Variants in ARHGEF38 observed in about 807,000 individuals in gnomAD.
ARHGEF38 encodes the protein Rho guanine nucleotide exchange factor (GEF) 38.
ARHGEF38 carries 79 observed loss-of-function variants against 79.9 expected under a neutral mutation model. That is an observed-to-expected ratio of 0.99 (90% CI 0.82 to 1.19). The LOEUF is 1.19. Among genes scored for constraint, ARHGEF38 ranks in the 50% most tolerant of loss-of-function variants. ARHGEF38 has a pLI of 0.00. For missense variants in ARHGEF38, 962 were observed against 907.2 expected, an observed-to-expected ratio of 1.06 and a Z score of -0.78; for synonymous variants, 366 against 328.3, an observed-to-expected ratio of 1.11 and a Z score of -1.24.
chr4:105,651,820 G>T (rs188772781), intron 7 of ARHGEF38, among the ~76,000 whole-genome samples: 2 of 152,072 alleles, frequency 1.3e-5, no homozygotes, highest in African/African-American at 4.8e-5. Context: ...GCTCCTGGCC[G>T]CTCTCTCTGT....
intron 3 of ARHGEF38, among the ~76,000 whole-genome samples, chr4:105,619,741 G>A (rs965278353): frequency 6.6e-6 from 1 of 152,186 alleles, no homozygotes; most frequent in Non-Finnish European, 1.5e-5. Flanking sequence ...TATGTGACTG[G>A]AGCATAGTGC....
chr4:105,654,662 C>T (rs1331225271), intron 8 of ARHGEF38, among the ~76,000 whole-genome samples: 1 of 152,100 alleles, frequency 6.6e-6, no homozygotes, highest in Non-Finnish European at 1.5e-5. Context: ...ATTTCCAATC[C>T]CATAAGAAGT....
intron 1 of ARHGEF38, among the ~76,000 whole-genome samples, chr4:105,583,138 G>T (rs562130389): frequency 1.3e-5 from 2 of 152,052 alleles, no homozygotes; most frequent in South Asian, 2.1e-4. Context: ...TTCTCTTTCG[G>T]TTTTCTCCTT....
intron 7 of ARHGEF38, among the ~76,000 whole-genome samples, chr4:105,649,059 G>T (rs983448548): frequency 1.3e-5 from 2 of 152,012 alleles, no homozygotes; most frequent in African/African-American, 4.8e-5. Context: ...TTTTACTTCT[G>T]CTCTTAAAAG....
At chr4:105,650,506 C>A (rs1730054970) in intron 7 of ARHGEF38, among the ~76,000 whole-genome samples, 1 of 152,200 alleles carries the variant, frequency 6.6e-6, no homozygotes, top group African/African-American at 2.4e-5. Flanking sequence ...GTCCTAAACT[C>A]TTTACTCTGC....
chr4:105,588,878 A>G (rs534348110), intron 1 of ARHGEF38, among the ~76,000 whole-genome samples: 43 of 152,224 alleles, frequency 2.8e-4, no homozygotes, highest in Non-Finnish European at 5.6e-4. Flanking sequence ...AAGGCATTTC[A>G]TTTACTAATT....
intron 3 of ARHGEF38, among the ~76,000 whole-genome samples, chr4:105,625,910 T>C (rs529698115): frequency 6.6e-6 from 1 of 152,336 alleles, no homozygotes; most frequent in African/African-American, 2.4e-5. Context: ...TTTGTGGCTA[T>C]GCCTTCTCAG....
Position 105,667,680 on chromosome 4 carries a change from A to G in ARHGEF38, c.2125A>G (p.Ser709Gly), listed in dbSNP as rs1383262045. Residue 709 changes from serine (S) to glycine (G), a missense_variant, in exon 13 of 14, where the codon AGT (serine) becomes GGT (glycine). Ser to Gly is a moderately conservative substitution (Grantham distance 56). Coordinates refer to ENST00000420470, the MANE Select transcript of ARHGEF38 (RefSeq NM_001242729.2). ...TGAAACAAATGGTACTGATGTTGAC[A>G]GTTTTCAAGAAGTAGACGAACAGGT... ...KFETNGTDVDSFQEVDEQIFY... is the reference protein window; with the variant it reads ...KFETNGTDVDGFQEVDEQIFY... 6.5e-7 allele frequency: 1 copy of G among 1,536,174 alleles called. No homozygotes were observed. The highest frequency in any genetic ancestry group is 2.4e-5 in the East Asian group (1 of 40,912).
At chr4:105,655,955 G>A (rs1225576197) in intron 9 of ARHGEF38, among the ~76,000 whole-genome samples, 3 of 152,086 alleles carry the variant, frequency 2.0e-5, no homozygotes, top group African/African-American at 7.2e-5. Flanking sequence ...GTGTTTCTAG[G>A]GGTAGCCAGT....
intron 2 of ARHGEF38, among the ~76,000 whole-genome samples, chr4:105,602,071 T>C (rs1727845941): frequency 6.6e-6 from 1 of 152,094 alleles, no homozygotes; most frequent in Admixed American, 6.6e-5. Context: ...TCAGGATGGG[T>C]AAGTGATCCA....
At chr4:105,634,765 A>G (rs942115802) in intron 4 of ARHGEF38, among the ~76,000 whole-genome samples, 1 of 152,112 alleles carries the variant, frequency 6.6e-6, no homozygotes, top group Non-Finnish European at 1.5e-5. Flanking sequence ...CTTCATGTCT[A>G]GTTGTTATAA....
At chr4:105,648,900 A>G (rs910622391) in intron 7 of ARHGEF38, among the ~76,000 whole-genome samples, 1 of 149,106 alleles carries the variant, frequency 6.7e-6, no homozygotes, top group Non-Finnish European at 1.5e-5. Flanking sequence ...TGGGAATAGG[A>G]TTGACACTGT....
chr4:105,632,076 G>A lies in ARHGEF38; in HGVS notation c.656+1031G>A, dbSNP rs138473919. Among the ~76,000 whole-genome samples, 573 of 152,288 alleles carry A rather than the reference G, an allele frequency of 3.8e-3. 4 individuals are homozygous for A. Among genetic ancestry groups the A allele is most frequent in the African/African-American group, 0.013 (558 of 41,558 alleles). ...CCTAACGTGGTACAAGAGGTTTTTA[G>A]CTGCACTAAATTGAAATCATGATAC... On this transcript the variant is annotated intron_variant, in intron 4 of 13. Coordinates refer to ENST00000420470, the MANE Select transcript of ARHGEF38 (RefSeq NM_001242729.2).
chr4:105,654,297 G>A (rs927273908), intron 8 of ARHGEF38, 128 bp downstream of exon 8: 1 of 548,394 alleles, frequency 1.8e-6, no homozygotes, highest in Non-Finnish European at 3.0e-6. Flanking sequence ...GATCAAAATT[G>A]GAAGGCTGCA....
At chr4:105,555,202 T>C (rs1435035081) in intron 1 of ARHGEF38, among the ~76,000 whole-genome samples, 1 of 152,082 alleles carries the variant, frequency 6.6e-6, no homozygotes, top group East Asian at 1.9e-4. Flanking sequence ...AACTCAGCAG[T>C]TAATACATGC....
intron 2 of ARHGEF38, among the ~76,000 whole-genome samples, chr4:105,605,052 T>G (rs962983513): frequency 1.3e-5 from 2 of 152,110 alleles, no homozygotes; most frequent in African/African-American, 4.8e-5. Context: ...TTAGCAGGAC[T>G]GTTTGTCTTT....
Position 105,589,425 on chromosome 4 carries a change from G to A in ARHGEF38, c.374G>A (p.Arg125Lys). The change falls in exon 2 of 14, where the codon AGA becomes AAA. Residue 125 changes from arginine to lysine, a missense_variant. Coordinates refer to ENST00000420470, the MANE Select transcript of ARHGEF38 (RefSeq NM_001242729.2). The part of the protein sequence containing the change: ...LCVREVVQPL[R>K]NKKTDRLDVD... ...GTTAGGGAAGTGGTTCAGCCCCTGA[G>A]AAATAAAAAGGTAAATATATATTTG... is the stretch of plus-strand genomic sequence containing the variant. The A allele has an allele frequency of 1.2e-6, 2 of 1,604,332 alleles. No individual in the cohort carries two copies. Among genetic ancestry groups the A allele is most frequent in the Non-Finnish European group, 1.7e-6 (2 of 1,177,414 alleles).
At chr4:105,650,984 A>T (rs1730079696) in intron 7 of ARHGEF38, among the ~76,000 whole-genome samples, 1 of 152,184 alleles carries the variant, frequency 6.6e-6, no homozygotes, top group African/African-American at 2.4e-5. Flanking sequence ...GCCATAATAG[A>T]GATAGGCATG....
At chr4:105,564,687 G>A (rs1725803409) in intron 1 of ARHGEF38, among the ~76,000 whole-genome samples, 1 of 152,140 alleles carries the variant, frequency 6.6e-6, no homozygotes, top group Non-Finnish European at 1.5e-5. Context: ...GGCGGCCCTT[G>A]GTTTACAATA....
Sources: gnomAD v4.1 joint callset for allele counts (sites outside exome capture counted in the v4.1 genomes callset) on GRCh38, gnomAD v4.1.1 for gene constraint, MANE v1.5 for transcripts, NCBI Gene and HGNC (gene_info 2026-07-23, HGNC 2026-07-21) for gene names.